Variants in EHD4 observed in about 807,000 individuals in gnomAD.
EHD4 encodes the protein EH domain-containing protein 4.
Under a neutral mutation model 51.0 loss-of-function variants are expected in EHD4, and 37 were observed. The ratio of observed to expected loss-of-function variants is 0.73; its 90% CI spans 0.56 to 0.95. The LOEUF (loss-of-function observed/expected upper bound fraction) is 0.95, where lower values mean the gene tolerates loss of function less well. Among genes scored for constraint, EHD4 ranks in the 40% least tolerant of loss-of-function variants. EHD4 has a pLI of 0.00. For synonymous variants in EHD4, 297 were observed against 317.3 expected (o/e 0.94, Z 0.68); for missense variants, 632 against 733.1 (o/e 0.86, Z 1.59).
At chr15:41,912,430 C>T (rs2067556770) in intron 4 of EHD4, among the ~76,000 whole-genome samples, 2 of 152,176 alleles carry the variant, frequency 1.3e-5, no homozygotes. Context: ...CACGATGGCT[C>T]ATGCCTGTAA....
chr15:41,909,696 T>C lies in EHD4; in HGVS notation c.1089+3A>G, dbSNP rs2067535896. On this transcript the variant is annotated splice_donor_region_variant and intron_variant, in intron 5 of 5. Coordinates refer to ENST00000220325, the MANE Select transcript of EHD4 (RefSeq NM_139265.4). ...CCGTGACATTGTAGTGGGCTCCCAG[T>C]ACCTGCATAGCCTTGACCTCAGGGA... 1.2e-6 allele frequency: 2 copies of C among 1,614,190 alleles called. No individual in the cohort carries two copies. The highest frequency in any genetic ancestry group is 4.5e-5 in the East Asian group (2 of 44,878).
At chr15:41,963,330 G>A (rs2067939155) in intron 1 of EHD4, among the ~76,000 whole-genome samples, 1 of 151,408 alleles carries the variant, frequency 6.6e-6, no homozygotes, top group African/African-American at 2.4e-5. Flanking sequence ...AGGGCACGGT[G>A]GCTCACGCCT....
intron 1 of EHD4, among the ~76,000 whole-genome samples, chr15:41,958,601 A>C (rs2067903436): frequency 6.6e-6 from 1 of 152,212 alleles, no homozygotes; most frequent in African/African-American, 2.4e-5. Flanking sequence ...AGATATTGAA[A>C]ACAGAGATAC....
chr15:41,950,869 G>A lies in EHD4; in HGVS notation c.413+2895C>T, dbSNP rs979354019. Among the ~76,000 whole-genome samples, 5 of 152,182 alleles carry A rather than the reference G, an allele frequency of 3.3e-5. No homozygotes were observed. In the East Asian group the frequency reaches 9.6e-4, roughly 29 times the overall value. On this transcript the variant is annotated intron_variant, in intron 2 of 5. Transcript: ENST00000220325. ...TTTGCTTTCGGCCTTCTCATTTGTA[G>A]ATTGGCAACAGTATTGTCTGTGTTA...
intron 3 of EHD4, among the ~76,000 whole-genome samples, chr15:41,937,322 T>A (rs760881736): frequency 2.6e-5 from 4 of 152,192 alleles, no homozygotes; most frequent in Non-Finnish European, 5.9e-5. Flanking sequence ...ACTCTTTCTG[T>A]TGTCTAGAAG....
chr15:41,918,310 C>T (rs995921924), intron 4 of EHD4, among the ~76,000 whole-genome samples: 5 of 152,264 alleles, frequency 3.3e-5, no homozygotes, highest in Middle Eastern at 3.4e-3. Flanking sequence ...ATATCCGAGG[C>T]TCTGGGGCAG....
chr15:41,922,989 A>T (rs1482000528), intron 3 of EHD4, among the ~76,000 whole-genome samples: 3 of 152,198 alleles, frequency 2.0e-5, no homozygotes, highest in African/African-American at 7.2e-5. Flanking sequence ...GAATGATCAA[A>T]GCTGGGAGAG....
chr15:41,928,197 G>C (rs1271374317), intron 3 of EHD4, among the ~76,000 whole-genome samples: 1 of 152,210 alleles, frequency 6.6e-6, no homozygotes, highest in Non-Finnish European at 1.5e-5. Context: ...GTGGCAGAGA[G>C]CAAAATGATA....
intron 1 of EHD4, among the ~76,000 whole-genome samples, chr15:41,961,803 T>G (rs1389541751): frequency 6.6e-6 from 1 of 152,200 alleles, no homozygotes; most frequent in African/African-American, 2.4e-5. Flanking sequence ...AAGCTTGATA[T>G]GAATGCCTAC....
intron 4 of EHD4, among the ~76,000 whole-genome samples, chr15:41,916,406 C>A (rs1790998777): frequency 6.6e-6 from 1 of 152,130 alleles, no homozygotes; most frequent in South Asian, 2.1e-4. Flanking sequence ...AGCTTCCGTT[C>A]CCTCAGGTGG....
At chr15:41,950,209 C>T (rs759208824) in intron 2 of EHD4, among the ~76,000 whole-genome samples, 3 of 152,222 alleles carry the variant, frequency 2.0e-5, no homozygotes, top group Non-Finnish European at 4.4e-5. Flanking sequence ...TCCTTAGAAG[C>T]CAGCCTGGGA....
intron 5 of EHD4, among the ~76,000 whole-genome samples, chr15:41,905,338 G>A (rs1175411309): frequency 2.0e-5 from 3 of 152,192 alleles, no homozygotes; most frequent in Non-Finnish European, 2.9e-5. Context: ...GCAGCTTCTA[G>A]GGGTTGGCAC....
intron 3 of EHD4, among the ~76,000 whole-genome samples, chr15:41,933,951 C>T (rs565301245): frequency 6.6e-5 from 10 of 152,166 alleles, no homozygotes; most frequent in African/African-American, 7.2e-5. Flanking sequence ...GTGACTCCTG[C>T]GGGACAGTCA....
chr15:41,923,518 G>A (rs1260275901), intron 3 of EHD4, among the ~76,000 whole-genome samples: 2 of 152,138 alleles, frequency 1.3e-5, no homozygotes, highest in Admixed American at 6.5e-5. Flanking sequence ...ATGAAATAAG[G>A]GGCTTGCTAA....
Position 41,927,271 on chromosome 15 carries a change from A to G in EHD4, c.512-7649T>C, listed in dbSNP as rs551751408. 4.6e-5 allele frequency among the ~76,000 whole-genome samples: 7 copies of G among 152,376 alleles called. No individual in the cohort carries two copies. In the South Asian group the frequency reaches 1.4e-3, roughly 32 times the overall value. ...TCCTCCAAAAACTAAAAATGGAACT[A>G]TCATATCATCCAGCAATCCCACTTT... On this transcript the variant is annotated intron_variant, in intron 3 of 5. Transcript: ENST00000220325.
At chr15:41,964,659 G>T (rs1447554659) in intron 1 of EHD4, among the ~76,000 whole-genome samples, 3 of 151,666 alleles carry the variant, frequency 2.0e-5, no homozygotes, top group Admixed American at 6.6e-5. Flanking sequence ...TGGCAGTTTG[G>T]TGAATTACTG....
At chr15:41,905,085 G>A (rs994265434) in intron 5 of EHD4, among the ~76,000 whole-genome samples, 34 of 152,236 alleles carry the variant, frequency 2.2e-4, no homozygotes, top group African/African-American at 8.0e-4. Context: ...CTAAGCGTAT[G>A]TCCCCCCTCT....
intron 3 of EHD4, among the ~76,000 whole-genome samples, chr15:41,932,170 G>A (rs983508016): frequency 7.9e-5 from 12 of 152,160 alleles, no homozygotes; most frequent in African/African-American, 2.9e-4. Flanking sequence ...TATTAATTCT[G>A]GTCTATCTAT....
intron 1 of EHD4, among the ~76,000 whole-genome samples, chr15:41,971,190 A>AAAG (rs1374877447): frequency 2.0e-5 from 3 of 152,204 alleles, no homozygotes; most frequent in Non-Finnish European, 4.4e-5. Context: ...GAGTGGAGAA[A>AAAG]AAGAGGTCGC....
Sources: gnomAD v4.1 joint callset for allele counts (sites outside exome capture counted in the v4.1 genomes callset) on GRCh38, gnomAD v4.1.1 for gene constraint, MANE v1.5 for transcripts, NCBI Gene and HGNC (gene_info 2026-07-23, HGNC 2026-07-21) for gene names.